PI4KB: variants seen among roughly 807,000 people sequenced by gnomAD.
PI4KB encodes phosphatidylinositol 4-kinase beta, also known as PtdIns 4-kinase beta.
In PI4KB, 23 loss-of-function variants were observed where a neutral mutation model predicts 81.4. The ratio of observed to expected loss-of-function variants is 0.28; its 90% confidence interval spans 0.20 to 0.40. The LOEUF is 0.40. Ranked by LOEUF, PI4KB falls within the 10% of genes least tolerant of loss-of-function variation. The pLI is 1.00. For missense variants in PI4KB, 651 were observed against 1,036.6 expected, an observed-to-expected ratio of 0.63 and a Z score of 5.11; for synonymous variants, 381 against 406.8, an observed-to-expected ratio of 0.94 and a Z score of 0.76.
chr1:151,304,257 T>C (rs1444090486), intron 5 of PI4KB, among the ~76,000 whole-genome samples: 1 of 152,224 alleles, frequency 6.6e-6, no homozygotes, highest in African/African-American at 2.4e-5. Flanking sequence ...CTAAATTTTT[T>C]TTTCTTAAAT....
intron 1 of PI4KB, among the ~76,000 whole-genome samples, chr1:151,324,304 C>T (rs1460120553): frequency 6.6e-6 from 1 of 152,182 alleles, no homozygotes; most frequent in African/African-American, 2.4e-5. Context: ...AAAGAGACTC[C>T]ATATCATCTT....
intron 1 of PI4KB, among the ~76,000 whole-genome samples, chr1:151,316,811 CTTT>C (rs35289889): frequency 1.3e-5 from 2 of 149,944 alleles, no homozygotes; most frequent in African/African-American, 4.9e-5. Context: ...TTTACAAATT[CTTT>C]TTGTTGTTGT....
chr1:151,302,162 G>T, intron 7 of PI4KB, 32 bp downstream of exon 7: 2 of 1,557,180 alleles, frequency 1.3e-6, no homozygotes, highest in Non-Finnish European at 1.8e-6. Context: ...TCTGAGCTTT[G>T]AGAGGGGTTC....
Position 151,310,210 on chromosome 1 carries a change from C to A in PI4KB, c.954+1G>T, listed in dbSNP as rs777053237. On this transcript the variant is annotated splice_donor_variant, in intron 3 of 11. Transcript: ENST00000368873. LOFTEE classifies it high-confidence loss of function. The stretch of plus-strand genomic sequence containing the variant: ...CCCCGTCCCAGCCTGGCCCCACTTA[C>A]GGAACTGAATGAATTATCAATACTC... 2.5e-6 allele frequency: 4 copies of A among 1,592,450 alleles called. No homozygotes were observed. The highest frequency in any genetic ancestry group is 1.7e-6 in the Non-Finnish European group (2 of 1,167,796).
At chr1:151,316,588 T>C in intron 1 of PI4KB, 79 bp from the exon 2 acceptor site, 1 of 1,023,396 alleles carries the variant, frequency 9.8e-7, no homozygotes, top group Non-Finnish European at 1.4e-6. Flanking sequence ...CCTCAGATCT[T>C]CCCTTTGCTA....
intron 11 of PI4KB, chr1:151,293,659 G>T: frequency 3.2e-6 from 1 of 313,694 alleles, no homozygotes. Flanking sequence ...AGAGGACAGG[G>T]CAATCAGAGG....
At chr1:151,293,267 A>G in intron 11 of PI4KB, 1 of 1,409,240 alleles carries the variant, frequency 7.1e-7, no homozygotes, top group Non-Finnish European at 9.3e-7. Context: ...AAGGAAGGGG[A>G]CCAACACCAC....
intron 11 of PI4KB, chr1:151,293,491 AG>A: frequency 2.2e-6 from 2 of 898,098 alleles, no homozygotes; most frequent in Non-Finnish European, 3.0e-6. Flanking sequence ...AATGGGGAGG[AG>A]GGGGAGACTG....
chr1:151,308,501 C>A (rs1695971268), intron 3 of PI4KB, among the ~76,000 whole-genome samples: 1 of 152,184 alleles, frequency 6.6e-6, no homozygotes. Context: ...AGCAACAGCT[C>A]CTTTTAGCCC....
intron 1 of PI4KB, among the ~76,000 whole-genome samples, chr1:151,323,883 T>C (rs1189782325): frequency 6.6e-6 from 1 of 151,568 alleles, no homozygotes; most frequent in African/African-American, 2.4e-5. Context: ...GAAACAGGAC[T>C]GCTGTTTTTC....
intron 5 of PI4KB, among the ~76,000 whole-genome samples, chr1:151,305,277 T>G (rs769330212): frequency 6.6e-6 from 1 of 152,130 alleles, no homozygotes; most frequent in Non-Finnish European, 1.5e-5. Flanking sequence ...GCTGTGTTAA[T>G]AGCTCTACAC....
chr1:151,301,785 G>A, intron 8 of PI4KB, 59 bp downstream of exon 8: 2 of 1,524,272 alleles, frequency 1.3e-6, no homozygotes. Context: ...ACCCGCCTCG[G>A]CCTCCCAGAG....
At chr1:151,299,816 T>C (rs1193119739) in intron 8 of PI4KB, among the ~76,000 whole-genome samples, 8 of 152,072 alleles carry the variant, frequency 5.3e-5, no homozygotes, top group Admixed American at 4.6e-4. Flanking sequence ...AACCCAGGGG[T>C]ATCAGAAGAT....
At position 151,315,583 on chromosome 1, in the gene PI4KB, T is replaced by C; in HGVS notation, c.899A>G (p.Asn300Ser). The part of the protein sequence containing the change: ...KRTASNPKVE[N>S]EDEELSSSTE... Reference sequence around the variant, plus strand: ...TCCCCAGAATTTTACCTCATCCTCATTCTCCACTTTAGGGTTGCTGGCTGT... The same window carrying C: ...TCCCCAGAATTTTACCTCATCCTCACTCTCCACTTTAGGGTTGCTGGCTGT... The change falls in exon 2 of 12, where the codon AAT becomes AGT. Residue 300 changes from asparagine (N) to serine (S), a missense_variant. Coordinates refer to ENST00000368873, the MANE Select transcript of PI4KB (RefSeq NM_001369623.2). The C allele has an allele frequency of 6.2e-7, 1 of 1,613,474 alleles. No individual in the cohort carries two copies. Among genetic ancestry groups the C allele is most frequent in the South Asian group, 1.1e-5 (1 of 91,060 alleles).
chr1:151,298,529 G>C (rs1362715433), intron 9 of PI4KB: 5 of 467,118 alleles, frequency 1.1e-5, no homozygotes. Context: ...CTCCCCTGCA[G>C]CTTCCTCTGT....
rs763882355 is a variant in PI4KB, at chr1:151,298,882, G to A, written c.1941C>T (p.Leu647=). The A allele has an allele frequency of 6.2e-7, 1 of 1,614,204 alleles. No homozygotes were observed. Among genetic ancestry groups the A allele is most frequent in the Admixed American group, 1.7e-5 (1 of 60,022 alleles). The part of the protein sequence containing the change: ...EHGSYTTEAF[L]SAQRNFVQSC... The stretch of plus-strand genomic sequence containing the variant: ...TTTGCACAAAATTGCGCTGTGCACT[G>A]AGGAATGCCTCAGTGGTGTAACTGC... Residue 647 remains leucine (L), a synonymous_variant, in exon 9 of 12, where the codon CTC becomes CTT. Coordinates refer to ENST00000368873, the MANE Select transcript of PI4KB (RefSeq NM_001369623.2).
chr1:151,293,461 A>C (rs780372558), intron 11 of PI4KB: 155 of 1,203,666 alleles, frequency 1.3e-4, no homozygotes, highest in Non-Finnish European at 1.6e-4. Flanking sequence ...AACGGCGACA[A>C]CCTGTGGGGT....
chr1:151,313,030 G>A (rs765212335), intron 2 of PI4KB, among the ~76,000 whole-genome samples: 6 of 151,764 alleles, frequency 4.0e-5, no homozygotes, highest in Non-Finnish European at 5.9e-5. Flanking sequence ...GAAAAAGGGC[G>A]GACGGACAGA....
At chr1:151,297,033 T>G (rs914692701) in intron 9 of PI4KB, among the ~76,000 whole-genome samples, 2 of 152,156 alleles carry the variant, frequency 1.3e-5, no homozygotes, top group Non-Finnish European at 2.9e-5. Flanking sequence ...TGCCTCAGGC[T>G]CCCAAAGTGT....
Sources: allele counts gnomAD v4.1 joint callset (sites outside exome capture counted in the v4.1 genomes callset), GRCh38; gene constraint gnomAD v4.1.1; transcripts MANE v1.5; gene names NCBI Gene and HGNC (gene_info 2026-07-23, HGNC 2026-07-21).